The following PDZD8 variants were observed in gnomAD, a reference collection of about 807,000 sequenced individuals.
PDZD8 encodes the protein PDZ domain containing 8.
A neutral mutation model predicts 85.8 loss-of-function variants in PDZD8; 14 were observed. That is an observed-to-expected ratio of 0.16 (90% CI 0.11 to 0.26). The LOEUF is 0.26. Among genes scored for constraint, PDZD8 ranks in the 10% least tolerant of loss-of-function variants. The pLI is 1.00. For synonymous variants in PDZD8, 592 were observed against 568.6 expected, an observed-to-expected ratio of 1.04 and a Z score of -0.59; for missense variants, 1,197 against 1,424.3, an observed-to-expected ratio of 0.84 and a Z score of 2.57.
At chr10:117,286,971 T>G (rs1844675181) in intron 4 of PDZD8, among the ~76,000 whole-genome samples, 1 of 152,190 alleles carries the variant, frequency 6.6e-6, no homozygotes. Flanking sequence ...CAGCTGTAAA[T>G]CTTTCCTGTT....
intron 1 of PDZD8, among the ~76,000 whole-genome samples, chr10:117,348,483 T>C (rs1357796651): frequency 6.6e-6 from 1 of 152,158 alleles, no homozygotes; most frequent in Non-Finnish European, 1.5e-5. Flanking sequence ...ATGGCTTCCA[T>C]AACAGAACTC....
chr10:117,330,038 G>T lies in PDZD8; in HGVS notation c.995+10942C>A, dbSNP rs866935936. On this transcript the variant is annotated intron_variant, in intron 2 of 4. Coordinates refer to ENST00000334464, the MANE Select transcript of PDZD8 (RefSeq NM_173791.5). ...GGAGGGAGGGAGGGAAGGAGGGAGG[G>T]AGGGAGGGAGGGAAAAATCTGTTTT... Among the ~76,000 whole-genome samples, 821 of 98,050 alleles carry T rather than the reference G, an allele frequency of 8.4e-3. 31 individuals carry two copies. Among genetic ancestry groups the T allele is most frequent in the African/African-American group, 0.031 (755 of 24,702 alleles). The allele number at this position is 98,050 out of a possible 152,430, so 64.3% of individuals were successfully genotyped here.
rs185955307 is a variant in PDZD8, at chr10:117,347,171, G to A, written c.873-6069C>T. Among the ~76,000 whole-genome samples the A allele has an allele frequency of 5.1e-4, 78 of 151,562 alleles. 2 individuals carry two copies. Among genetic ancestry groups the A allele is most frequent in the Admixed American group, 3.2e-3 (49 of 15,174 alleles). Reference sequence around the variant, plus strand: ...GTTTCATTAACATCAACACAGATGCGGGACAGGCCTCATTATACCCCGCCA... The same window carrying A: ...GTTTCATTAACATCAACACAGATGCAGGACAGGCCTCATTATACCCCGCCA... On this transcript the variant is annotated intron_variant, in intron 1 of 4. Transcript: ENST00000334464.
chr10:117,341,778 A>G lies in PDZD8; in HGVS notation c.873-676T>C, dbSNP rs547894968. ...CAGTTGTTTGAATCCATGGATGTGG[A>G]ACCCATGGATGTGGAGCCCACGAAT... On this transcript the variant is annotated intron_variant, in intron 1 of 4. Transcript: ENST00000334464. 4.6e-5 allele frequency among the ~76,000 whole-genome samples: 7 copies of G among 152,334 alleles called. No homozygotes were observed. The South Asian group carries it at 1.4e-3, about 32-fold the overall frequency.
chr10:117,307,706 G>A (rs182035470), intron 3 of PDZD8, among the ~76,000 whole-genome samples: 5 of 152,050 alleles, frequency 3.3e-5, no homozygotes, highest in Admixed American at 1.3e-4. Context: ...TGGGAAACAC[G>A]GCTGTTCCCA....
intron 2 of PDZD8, 96 bp from the exon 3 acceptor site, chr10:117,319,070 C>A: frequency 1.3e-6 from 1 of 782,616 alleles, no homozygotes; most frequent in Admixed American, 2.5e-5. Flanking sequence ...ACACATTACT[C>A]CATTACTATT....
chr10:117,315,115 C>A (rs558034510), intron 3 of PDZD8, among the ~76,000 whole-genome samples: 1 of 152,208 alleles, frequency 6.6e-6, no homozygotes, highest in Admixed American at 6.5e-5. Context: ...TTTCATGGTA[C>A]CTTCTCTTCC....
At chr10:117,298,310 C>T (rs1352013453) in intron 3 of PDZD8, among the ~76,000 whole-genome samples, 1 of 152,152 alleles carries the variant, frequency 6.6e-6, no homozygotes, top group Non-Finnish European at 1.5e-5. Flanking sequence ...CCTGTCTCCT[C>T]AAGTCCCCTT....
chr10:117,334,836 G>C (rs574690832), intron 2 of PDZD8, among the ~76,000 whole-genome samples: 16 of 152,110 alleles, frequency 1.1e-4, no homozygotes, highest in South Asian at 2.1e-4. Flanking sequence ...AAAGTACACA[G>C]AGAAAAAGAA....
chr10:117,363,187 G>C (rs1384296835), intron 1 of PDZD8, among the ~76,000 whole-genome samples: 1 of 152,056 alleles, frequency 6.6e-6, no homozygotes. Context: ...TTATTTATTT[G>C]CATGACCAAA....
Position 117,282,901 on chromosome 10 carries a change from CA to C in PDZD8, c.*366del. ...AATGAAAATATTTTAAGAATCTAGA[CA>C]GTATTCTATTTAACACTAATTCAAA... is the stretch of plus-strand genomic sequence containing the variant. On this transcript the variant is annotated 3_prime_UTR_variant, in exon 5 of 5. Coordinates refer to ENST00000334464, the MANE Select transcript of PDZD8 (RefSeq NM_173791.5). 5.7e-6 allele frequency: 1 copy of C among 176,590 alleles called. No homozygotes were observed. Among genetic ancestry groups the C allele is most frequent in the Non-Finnish European group, 1.2e-5 (1 of 84,782 alleles). 10.9% of individuals were successfully genotyped at this position (176,590 alleles called of 1,614,324 possible).
intron 1 of PDZD8, among the ~76,000 whole-genome samples, chr10:117,364,597 A>G (rs1845057381): frequency 1.3e-5 from 2 of 152,026 alleles, no homozygotes; most frequent in Admixed American, 6.6e-5. Context: ...TTTAAGAGGG[A>G]CCTAAAAAAT....
intron 3 of PDZD8, among the ~76,000 whole-genome samples, chr10:117,304,238 T>A (rs1300013105): frequency 6.6e-6 from 1 of 152,148 alleles, no homozygotes; most frequent in Non-Finnish European, 1.5e-5. Flanking sequence ...GGAGATCATT[T>A]TGGAGCTTTA....
intron 2 of PDZD8, among the ~76,000 whole-genome samples, chr10:117,322,763 A>G (rs1191603491): frequency 1.3e-5 from 2 of 152,332 alleles, no homozygotes; most frequent in East Asian, 1.9e-4. Context: ...TGTAAGAGCT[A>G]TTAGAGCAAC....
At chr10:117,345,367 T>C (rs1032348267) in intron 1 of PDZD8, among the ~76,000 whole-genome samples, 2 of 152,044 alleles carry the variant, frequency 1.3e-5, no homozygotes, top group African/African-American at 2.4e-5. Flanking sequence ...AGAGCAAATA[T>C]CAAACACTTA....
At chr10:117,366,809 T>A (rs1564714885) in intron 1 of PDZD8, among the ~76,000 whole-genome samples, 1 of 152,168 alleles carries the variant, frequency 6.6e-6, no homozygotes, top group East Asian at 1.9e-4. Flanking sequence ...TAATCCTCCG[T>A]AAATCGCATA....
rs1844599465 is a variant in PDZD8, at chr10:117,283,322, A to C, written c.3411T>G (p.Ser1137=). 1 of 1,613,824 alleles carries C rather than the reference A, an allele frequency of 6.2e-7. No homozygotes were observed. Among genetic ancestry groups the C allele is most frequent in the African/African-American group, 1.3e-5 (1 of 74,892 alleles). Residue 1137 remains serine, a synonymous_variant, in exon 5 of 5, where the codon TCT becomes TCG. Coordinates refer to ENST00000334464, the MANE Select transcript of PDZD8 (RefSeq NM_173791.5). ...CATCTGATATGCTGCTGAATGGCTG[A>C]GAGTCTATTAGTTGGCTTATTTCAT... ...LDNEISQLID[S]QPFSSISDDL...
intron 3 of PDZD8, among the ~76,000 whole-genome samples, chr10:117,311,358 G>A (rs928893573): frequency 1.3e-5 from 2 of 152,160 alleles, no homozygotes; most frequent in Non-Finnish European, 2.9e-5. Context: ...AAACAGAAGT[G>A]TGACTAAAAG....
At chr10:117,292,792 T>C (rs925318697) in intron 3 of PDZD8, among the ~76,000 whole-genome samples, 6 of 150,664 alleles carry the variant, frequency 4.0e-5, no homozygotes, top group Admixed American at 4.0e-4. Context: ...AAAGATAAGG[T>C]TTTCAGTAGC....
Sources: gnomAD v4.1 joint callset for allele counts (sites outside exome capture counted in the v4.1 genomes callset) on GRCh38, gnomAD v4.1.1 for gene constraint, MANE v1.5 for transcripts, NCBI Gene and HGNC (gene_info 2026-07-23, HGNC 2026-07-21) for gene names.